The following SDR16C5 variants were observed in gnomAD, a reference collection of about 807,000 sequenced individuals.
SDR16C5 encodes the protein epidermal retinol dehydrogenase 2.
Under a neutral mutation model 27.7 loss-of-function variants are expected in SDR16C5, and 20 were observed. The ratio of observed to expected loss-of-function variants is 0.72; its 90% CI spans 0.51 to 1.05. SDR16C5 has a LOEUF of 1.05. SDR16C5 is among the 50% of genes least tolerant of loss of function. The pLI is 0.00. For missense variants in SDR16C5, 374 were observed against 366.3 expected, an observed-to-expected ratio of 1.02 and a Z score of -0.17; for synonymous variants, 139 against 132.3, an observed-to-expected ratio of 1.05 and a Z score of -0.35.
In SDR16C5 at chr8:56,301,416, T is replaced by A; in HGVS notation, c.*64A>T. On this transcript the variant is annotated 3_prime_UTR_variant, in exon 7 of 7. Coordinates refer to ENST00000303749, the MANE Select transcript of SDR16C5 (RefSeq NM_138969.4). ...TTCCACTGTCAGACAAAAATACTTT[T>A]CTTCATTGAAGTACGCATTATGTAA... 8.8e-7 allele frequency: 1 copy of A among 1,132,828 alleles called. No individual in the cohort carries two copies. The highest frequency in any genetic ancestry group is 1.3e-6 in the Non-Finnish European group (1 of 744,208). 70.2% of individuals were successfully genotyped at this position (1,132,828 alleles called of 1,614,324 possible).
At chr8:56,309,634 C>T in intron 3 of SDR16C5, 2 of 965,428 alleles carry the variant, frequency 2.1e-6, no homozygotes, top group Non-Finnish European at 2.5e-6. Context: ...AGGAAGACAT[C>T]TTCTGCATCA....
intron 5 of SDR16C5, 91 bp from the exon 6 acceptor site, chr8:56,305,813 A>C (rs902079015): frequency 8.4e-5 from 111 of 1,316,380 alleles, no homozygotes; most frequent in Non-Finnish European, 1.1e-4. Flanking sequence ...AAAAGGTTTT[A>C]AGACGTTATC....
Position 56,300,897 on chromosome 8 carries a change from G to C in SDR16C5, c.*583C>G, listed in dbSNP as rs1342838495. 1 of 152,648 alleles carries C rather than the reference G, an allele frequency of 6.6e-6. No individual in the cohort carries two copies. Among genetic ancestry groups the C allele is most frequent in the African/African-American group, 2.4e-5 (1 of 41,460 alleles). 9.5% of individuals were successfully genotyped at this position (152,648 alleles called of 1,614,324 possible). On this transcript the variant is annotated 3_prime_UTR_variant, in exon 7 of 7. Transcript: ENST00000303749. ...ATAGTGCTGGATGGGCCTTTAGCCAGACTGCCACTCGGTCTGCGTATCCAG... is the reference window on the plus strand; with the variant it reads ...ATAGTGCTGGATGGGCCTTTAGCCACACTGCCACTCGGTCTGCGTATCCAG...
intron 4 of SDR16C5, 79 bp from the exon 5 acceptor site, chr8:56,306,899 C>T (rs906929509): frequency 8.1e-7 from 1 of 1,239,336 alleles, no homozygotes; most frequent in East Asian, 2.5e-5. Flanking sequence ...ATAACGCTAA[C>T]AGCGACAGAA....
chr8:56,304,541 CT>C (rs112185986), intron 6 of SDR16C5, among the ~76,000 whole-genome samples: 4,680 of 144,884 alleles, frequency 0.032, 168 homozygotes, highest in African/African-American at 0.089. Context: ...GTTTTTTGCA[CT>C]TTTTTTTTTT....
chr8:56,305,672 A>G lies in SDR16C5; in HGVS notation c.761T>C (p.Ile254Thr). Residue 254 changes from isoleucine to threonine, a missense_variant, in exon 6 of 7, where the codon ATA becomes ACA. Ile to Thr is a moderately conservative substitution (Grantham distance 89). Coordinates refer to ENST00000303749, the MANE Select transcript of SDR16C5 (RefSeq NM_138969.4). ...TTTTTCTTGTAGAATAGCTTCTACT[A>G]TTTTTTCAACTGCATATTTTGGTTC... Reference protein sequence around the residue: ...ILEPKYAVEKIVEAILQEKMY... With the variant: ...ILEPKYAVEKTVEAILQEKMY... 14 of 1,604,788 alleles carry G rather than the reference A, an allele frequency of 8.7e-6. No individual in the cohort carries two copies. Among genetic ancestry groups the G allele is most frequent in the Non-Finnish European group, 1.0e-5 (12 of 1,177,504 alleles).
intron 6 of SDR16C5, among the ~76,000 whole-genome samples, chr8:56,302,075 T>C (rs1814771093): frequency 6.6e-6 from 1 of 152,182 alleles, no homozygotes; most frequent in Non-Finnish European, 1.5e-5. Flanking sequence ...ACTAACACTG[T>C]CCATCTTCTC....
intron 6 of SDR16C5, among the ~76,000 whole-genome samples, 185 bp from the exon 7 acceptor site, chr8:56,301,758 G>A (rs12679962): frequency 1.3e-4 from 20 of 151,990 alleles, no homozygotes; most frequent in Admixed American, 2.6e-4. Context: ...GGGGACACTC[G>A]CCCAGGGCCT....
At chr8:56,319,548 C>CA (rs1352920068) in intron 1 of SDR16C5, among the ~76,000 whole-genome samples, 1 of 152,192 alleles carries the variant, frequency 6.6e-6, no homozygotes, top group African/African-American at 2.4e-5. Context: ...CTACCCAATC[C>CA]AAACAGGCGC....
At chr8:56,304,828 C>G (rs1437322210) in intron 6 of SDR16C5, among the ~76,000 whole-genome samples, 1 of 152,128 alleles carries the variant, frequency 6.6e-6, no homozygotes, top group Non-Finnish European at 1.5e-5. Flanking sequence ...TCCTGACTAG[C>G]TGGGACTATA....
chr8:56,302,733 T>C lies in SDR16C5; in HGVS notation c.837-1160A>G, dbSNP rs940016374. Among the ~76,000 whole-genome samples the C allele has an allele frequency of 4.0e-5, 6 of 149,934 alleles. No homozygotes were observed. In the South Asian group the frequency reaches 6.4e-4, roughly 16 times the overall value. ...TGGTGGCTCATGCTTGTAATCCCAG[T>C]GCTTTGGGAGGCTGAGGTGGGAGGA... On this transcript the variant is annotated intron_variant, in intron 6 of 6. Transcript: ENST00000303749.
chr8:56,313,569 T>A (rs1396962213), intron 2 of SDR16C5, among the ~76,000 whole-genome samples: 1 of 152,250 alleles, frequency 6.6e-6, no homozygotes, highest in African/African-American at 2.4e-5. Context: ...TAAGTATTTG[T>A]GTATCTAATC....
chr8:56,308,727 A>C (rs1435594584), intron 4 of SDR16C5, among the ~76,000 whole-genome samples: 1 of 152,188 alleles, frequency 6.6e-6, no homozygotes, highest in African/African-American at 2.4e-5. Flanking sequence ...AATGATTCCA[A>C]AGGGCATAGT....
intron 3 of SDR16C5, among the ~76,000 whole-genome samples, chr8:56,311,537 G>T (rs1449906316): frequency 3.3e-5 from 5 of 152,204 alleles, no homozygotes; most frequent in African/African-American, 1.2e-4. Flanking sequence ...CTCAGCAAAG[G>T]CCAGAAACAT....
At chr8:56,303,033 G>T (rs1029068363) in intron 6 of SDR16C5, among the ~76,000 whole-genome samples, 1 of 150,414 alleles carries the variant, frequency 6.6e-6, no homozygotes, top group African/African-American at 2.4e-5. Flanking sequence ...GTAAATCTTG[G>T]CCGGGTGCAG....
At chr8:56,308,808 T>C (rs887282980) in intron 4 of SDR16C5, 120 bp downstream of exon 4, 9 of 645,580 alleles carry the variant, frequency 1.4e-5, no homozygotes, top group Non-Finnish European at 2.1e-5. Context: ...TTATTGACTA[T>C]ACTTTTTAGT....
rs754961219 is a variant in SDR16C5, at chr8:56,306,710, T to TA, written c.675dup (p.Ile226TyrfsTer7). On this transcript the variant is annotated frameshift_variant, in exon 5 of 7. Transcript: ENST00000303749. LOFTEE classifies it high-confidence loss of function. ...CAACCTTCAAACATTCCAGTTTTTATAAAAAAGGGGCACACAATCGTGGTT... is the reference window on the plus strand; with the variant it reads ...CAACCTTCAAACATTCCAGTTTTTATAAAAAAAGGGGCACACAATCGTGGTT... 5 of 1,613,638 alleles carry TA rather than the reference T, an allele frequency of 3.1e-6. No homozygotes were observed. The highest frequency in any genetic ancestry group is 4.5e-5 in the East Asian group (2 of 44,868).
Position 56,316,313 on chromosome 8 carries a change from AAC to A in SDR16C5, c.33_34del (p.Phe12HisfsTer9). On this transcript the variant is annotated frameshift_variant, in exon 2 of 7. Transcript: ENST00000303749. LOFTEE classifies it high-confidence loss of function. ...AAACAGTGATTTTCCTAAGAAAATG[AAC>A]AGTTTCTTTGATGATTGCAGGTTGA... The A allele has an allele frequency of 6.2e-7, 1 of 1,613,910 alleles. No individual in the cohort carries two copies. The highest frequency in any genetic ancestry group is 8.5e-7 in the Non-Finnish European group (1 of 1,179,750).
chr8:56,312,531 C>T (rs1815073633), intron 2 of SDR16C5, among the ~76,000 whole-genome samples: 2 of 151,912 alleles, frequency 1.3e-5, no homozygotes, highest in Non-Finnish European at 2.9e-5. Flanking sequence ...ATGGCAAAAT[C>T]CTGTCTCTAT....
Sources: gnomAD v4.1 joint callset for allele counts (sites outside exome capture counted in the v4.1 genomes callset) on GRCh38, gnomAD v4.1.1 for gene constraint, MANE v1.5 for transcripts, NCBI Gene and HGNC (gene_info 2026-07-23, HGNC 2026-07-21) for gene names.